Variants in CACFD1 observed in about 807,000 individuals in gnomAD.
CACFD1 encodes the protein calcium channel flower homolog.
In CACFD1, 26 loss-of-function variants were observed where a neutral mutation model predicts 21.3. The ratio of observed to expected loss-of-function variants is 1.22; its 90% CI spans 0.89 to 1.69. The LOEUF (loss-of-function observed/expected upper bound fraction) is 1.69, where lower values mean the gene tolerates loss of function less well. Among genes scored for constraint, CACFD1 ranks in the 40% most tolerant of loss-of-function variants. The probability of loss-of-function intolerance (pLI) is 0.00; values close to 1 mark genes in which losing one functional copy is unlikely to be tolerated. For missense variants in CACFD1, 265 were observed against 236.2 expected (o/e 1.12, Z -0.80); for synonymous variants, 121 against 106.6 (o/e 1.13, Z -0.83).
Position 133,468,803 on chromosome 9 carries a change from G to A in CACFD1, c.*150G>A. On this transcript the variant is annotated 3_prime_UTR_variant, in exon 5 of 5. Transcript: ENST00000316948. ...GTCCTCTGCTCCTTTCTCCAGACTG[G>A]CTTAAGCCAGGAGCCACTGGCTGCT... 3 of 1,360,442 alleles carry A rather than the reference G, an allele frequency of 2.2e-6. No individual in the cohort carries two copies. The highest frequency in any genetic ancestry group is 2.9e-6 in the Non-Finnish European group (3 of 1,033,502). The allele number at this position is 1,360,442 out of a possible 1,614,324, so 84.3% of individuals were successfully genotyped here.
Position 133,460,080 on chromosome 9 carries a change from G to T in CACFD1, c.14G>T (p.Gly5Val). Residue 5 changes from glycine (G) to valine (V), a missense_variant, in exon 1 of 5, where the codon GGT becomes GTT. By Grantham distance (109) the Gly-to-Val change is moderately radical (BLOSUM62 -3). Coordinates refer to ENST00000316948, the MANE Select transcript of CACFD1 (RefSeq NM_017586.5). The part of the protein sequence containing the change: MSSS[G>V]GAPGASASSA... Reference sequence around the variant, plus strand: ...GACGGTGGCACCATGAGCAGCTCAGGTGGGGCGCCCGGGGCGTCCGCCAGC... The same window carrying T: ...GACGGTGGCACCATGAGCAGCTCAGTTGGGGCGCCCGGGGCGTCCGCCAGC... The T allele has an allele frequency of 6.4e-7, 1 of 1,564,262 alleles. No homozygotes were observed. The highest frequency in any genetic ancestry group is 1.2e-5 in the South Asian group (1 of 85,948).
intron 3 of CACFD1, among the ~76,000 whole-genome samples, chr9:133,467,359 C>G (rs587638719): frequency 3.3e-5 from 5 of 152,218 alleles, no homozygotes; most frequent in African/African-American, 1.2e-4. Flanking sequence ...CCGCAGACCC[C>G]GCAGCCTGCA....
At chr9:133,468,467 CACACCTGGGTCACAGGGCAGGA>C (rs1554800052) in intron 4 of CACFD1, 74 bp from the exon 5 acceptor site, 1 of 1,538,006 alleles carries the variant, frequency 6.5e-7, no homozygotes, top group Non-Finnish European at 8.7e-7. Context: ...GCCTGCAGGT[CACACCTGGGTCACAGGGCAGGA>C]ACCGGGCAGT....
intron 1 of CACFD1, among the ~76,000 whole-genome samples, chr9:133,462,392 G>C (rs1022722884): frequency 7.9e-5 from 12 of 152,216 alleles, no homozygotes; most frequent in Non-Finnish European, 1.5e-4. Context: ...TTTAGAAGGA[G>C]ACCCTGGGGG....
intron 1 of CACFD1, among the ~76,000 whole-genome samples, chr9:133,460,477 G>GGGCGGCGGGGGCGGGGGGC (rs1564453239): frequency 6.6e-6 from 1 of 151,364 alleles, no homozygotes; most frequent in Non-Finnish European, 1.5e-5. Context: ...GGGGCGGCGG[G>GGGCGGCGGGGGCGGGGGGC]GGCGGGGGTG....
At chr9:133,463,100 TG>T (rs966378603) in intron 1 of CACFD1, among the ~76,000 whole-genome samples, 6 of 152,322 alleles carry the variant, frequency 3.9e-5, no homozygotes, top group African/African-American at 1.4e-4. Flanking sequence ...GGCTGAGTCT[TG>T]GGGGAGCACT....
At chr9:133,468,053 G>A (rs1479554307) in intron 4 of CACFD1, 25 bp downstream of exon 4, 1 of 1,583,372 alleles carries the variant, frequency 6.3e-7, no homozygotes, top group East Asian at 2.2e-5. Context: ...CCCAGCCCCT[G>A]GGCAGGGCCT....
intron 2 of CACFD1, among the ~76,000 whole-genome samples, chr9:133,464,432 G>A (rs1012983397): frequency 4.6e-5 from 7 of 152,170 alleles, no homozygotes; most frequent in Non-Finnish European, 8.8e-5. Context: ...GCCCAGCACA[G>A]AGTGAGCCCG....
At chr9:133,467,013 T>C (rs184478670) in intron 3 of CACFD1, among the ~76,000 whole-genome samples, 3 of 152,356 alleles carry the variant, frequency 2.0e-5, no homozygotes, top group Middle Eastern at 3.4e-3. Context: ...TTCCCCGCCG[T>C]GGTCTTTTTC....
In CACFD1 at chr9:133,469,587, CA is replaced by C. The variant is rs1189359701; in HGVS notation, c.*935del. 6.6e-6 allele frequency: 1 copy of C among 152,458 alleles called. No individual in the cohort carries two copies. Among genetic ancestry groups the C allele is most frequent in the African/African-American group, 2.4e-5 (1 of 41,470 alleles). 9.4% of individuals were successfully genotyped at this position (152,458 alleles called of 1,614,324 possible). Reference sequence around the variant, plus strand: ...CAGAGGCCACAGTCACCTCCCCACACAGAGCTGTCCCCACTGCCCTGGGTGC... The same window carrying C: ...CAGAGGCCACAGTCACCTCCCCACACGAGCTGTCCCCACTGCCCTGGGTGC... On this transcript the variant is annotated 3_prime_UTR_variant, in exon 5 of 5. Transcript: ENST00000316948.
chr9:133,468,681 C>A lies in CACFD1; in HGVS notation c.*28C>A, dbSNP rs782634397. On this transcript the variant is annotated 3_prime_UTR_variant, in exon 5 of 5. Coordinates refer to ENST00000316948, the MANE Select transcript of CACFD1 (RefSeq NM_017586.5). Reference sequence around the variant, plus strand: ...GGCTGGGCGCCCCTCCCTCCCTGTCCCCTCTTCTGGCTCTGTGTGGGTCCA... The same window carrying A: ...GGCTGGGCGCCCCTCCCTCCCTGTCACCTCTTCTGGCTCTGTGTGGGTCCA... The A allele has an allele frequency of 6.5e-7, 1 of 1,545,494 alleles. No homozygotes were observed. Among genetic ancestry groups the A allele is most frequent in the Non-Finnish European group, 8.7e-7 (1 of 1,147,216 alleles).
chr9:133,468,075 C>G (rs1554799948), intron 4 of CACFD1, 47 bp downstream of exon 4: 2 of 1,484,222 alleles, frequency 1.3e-6, no homozygotes, highest in Non-Finnish European at 1.9e-6. Context: ...CCTCCCTCCG[C>G]CCCCCGAAGT....
chr9:133,460,025 A>C lies in CACFD1; in HGVS notation c.-42A>C. The C allele has an allele frequency of 6.6e-7, 1 of 1,505,906 alleles. No individual in the cohort carries two copies. The highest frequency in any genetic ancestry group is 8.9e-7 in the Non-Finnish European group (1 of 1,127,724). The allele number at this position is 1,505,906 out of a possible 1,614,324, so 93.3% of individuals were successfully genotyped here. On this transcript the variant is annotated 5_prime_UTR_variant, in exon 1 of 5. Coordinates refer to ENST00000316948, the MANE Select transcript of CACFD1 (RefSeq NM_017586.5). ...CCGGCTCGGACGCGGCCGGCTACCGAGCCCTTTGTGAGGGCTGTGAGCTGC... is the reference window on the plus strand; with the variant it reads ...CCGGCTCGGACGCGGCCGGCTACCGCGCCCTTTGTGAGGGCTGTGAGCTGC...
In CACFD1 at chr9:133,460,057, C is replaced by T. The variant is rs377184464; in HGVS notation, c.-10C>T. On this transcript the variant is annotated 5_prime_UTR_variant, in exon 1 of 5. In the 5' UTR this introduces an upstream ATG that the reference lacks. Transcript: ENST00000316948. ...TGTGAGGGCTGTGAGCTGCGCCTGA[C>T]GGTGGCACCATGAGCAGCTCAGGTG... 2.8e-4 allele frequency: 442 copies of T among 1,554,460 alleles called. No homozygotes were observed. Among genetic ancestry groups the T allele is most frequent in the Non-Finnish European group, 3.7e-4 (422 of 1,150,524 alleles).
At position 133,468,902 on chromosome 9, in the gene CACFD1, C is replaced by T; in HGVS notation, c.*249C>T. Reference sequence around the variant, plus strand: ...GTGTGGACACTACCCAGCCCTACTCCTCTGCTGGGTGGGTCTGCAGATCTC... The same window carrying T: ...GTGTGGACACTACCCAGCCCTACTCTTCTGCTGGGTGGGTCTGCAGATCTC... On this transcript the variant is annotated 3_prime_UTR_variant, in exon 5 of 5. Coordinates refer to ENST00000316948, the MANE Select transcript of CACFD1 (RefSeq NM_017586.5). 1 of 560,520 alleles carries T rather than the reference C, an allele frequency of 1.8e-6. No homozygotes were observed. Among genetic ancestry groups the T allele is most frequent in the Non-Finnish European group, 3.0e-6 (1 of 332,978 alleles). 34.7% of individuals were successfully genotyped at this position (560,520 alleles called of 1,614,324 possible).
chr9:133,462,325 C>G, intron 1 of CACFD1: 1 of 1,291,890 alleles, frequency 7.7e-7, no homozygotes, highest in South Asian at 1.2e-5. Context: ...ACCTTGCTGT[C>G]TGAAGGCAGA....
intron 1 of CACFD1, chr9:133,462,119 C>G: frequency 6.1e-6 from 8 of 1,303,654 alleles, no homozygotes; most frequent in Middle Eastern, 2.4e-4. Flanking sequence ...GGCTTGACAC[C>G]TGGTCCTCCC....
In CACFD1 at chr9:133,468,729, C is replaced by A; in HGVS notation, c.*76C>A. The A allele has an allele frequency of 6.8e-7, 1 of 1,478,310 alleles. No homozygotes were observed. Among genetic ancestry groups the A allele is most frequent in the Non-Finnish European group, 9.0e-7 (1 of 1,114,790 alleles). The allele number at this position is 1,478,310 out of a possible 1,614,324, so 91.6% of individuals were successfully genotyped here. A position where few individuals can be genotyped will look rare whatever the true frequency, so the allele number is the denominator to read the frequency against. ...CCAAGTGAGGCCTGGACTGTCCACG[C>A]TGAGGCACAGCCTGGAGAGGGGCCT... On this transcript the variant is annotated 3_prime_UTR_variant, in exon 5 of 5. Coordinates refer to ENST00000316948, the MANE Select transcript of CACFD1 (RefSeq NM_017586.5).
rs1275182194 is a variant in CACFD1, at chr9:133,469,005, G to A, written c.*352G>A. 3 of 339,620 alleles carry A rather than the reference G, an allele frequency of 8.8e-6. No homozygotes were observed. Among genetic ancestry groups the A allele is most frequent in the Admixed American group, 4.4e-5 (1 of 22,708 alleles). 21.0% of individuals were successfully genotyped at this position (339,620 alleles called of 1,614,324 possible). On this transcript the variant is annotated 3_prime_UTR_variant, in exon 5 of 5. Coordinates refer to ENST00000316948, the MANE Select transcript of CACFD1 (RefSeq NM_017586.5). ...CTGGAGATGCTGGTCCTGGCTTGAG[G>A]GGAGGGGCAAGTGGGACCCTGCCAC...
Sources: allele counts gnomAD v4.1 joint callset (sites outside exome capture counted in the v4.1 genomes callset), GRCh38; gene constraint gnomAD v4.1.1; transcripts MANE v1.5; gene names NCBI Gene and HGNC (gene_info 2026-07-23, HGNC 2026-07-21).